The following SLIT2 variants were observed in gnomAD, a reference collection of about 807,000 sequenced individuals.
SLIT2 encodes the protein slit guidance ligand 2.
Under a neutral mutation model 185.7 loss-of-function variants are expected in SLIT2, and 41 were observed. The ratio of observed to expected loss-of-function variants is 0.22; its 90% confidence interval spans 0.17 to 0.29. The LOEUF is 0.29. Among genes scored for constraint, SLIT2 ranks in the 10% least tolerant of loss-of-function variants. The pLI is 1.00. For missense variants in SLIT2, 1,571 were observed against 1,909.0 expected (o/e 0.82, Z 3.30); for synonymous variants, 693 against 680.2 (o/e 1.02, Z -0.29).
At chr4:20,456,970 T>C (rs1279845170) in intron 4 of SLIT2, among the ~76,000 whole-genome samples, 1 of 152,110 alleles carries the variant, frequency 6.6e-6, no homozygotes, top group Non-Finnish European at 1.5e-5. Context: ...AAAATATCTC[T>C]ACCCTATCTT....
intron 4 of SLIT2, among the ~76,000 whole-genome samples, chr4:20,371,251 A>C (rs1270583343): frequency 6.6e-6 from 1 of 151,982 alleles, no homozygotes; most frequent in African/African-American, 2.4e-5. Context: ...GTTCTCACAC[A>C]GTCACTCATA....
intron 4 of SLIT2, among the ~76,000 whole-genome samples, chr4:20,452,948 T>C (rs2148716611): frequency 6.6e-6 from 1 of 152,298 alleles, no homozygotes; most frequent in East Asian, 1.9e-4. Context: ...AACCAGAAGT[T>C]GCCTTTCAGC....
chr4:20,547,809 G>C (rs948718906), intron 22 of SLIT2, among the ~76,000 whole-genome samples: 1 of 151,650 alleles, frequency 6.6e-6, no homozygotes, highest in Non-Finnish European at 1.5e-5. Flanking sequence ...ACGACCCATA[G>C]TACAAACTAT....
chr4:20,321,084 G>C (rs780535619), intron 4 of SLIT2, among the ~76,000 whole-genome samples: 1 of 152,064 alleles, frequency 6.6e-6, no homozygotes, highest in East Asian at 1.9e-4. Context: ...ACTAGATTGC[G>C]CCACTGCACT....
chr4:20,611,381 A>G (rs1729210867), intron 34 of SLIT2, among the ~76,000 whole-genome samples: 1 of 152,200 alleles, frequency 6.6e-6, no homozygotes, highest in African/African-American at 2.4e-5. Flanking sequence ...GTAAATATTT[A>G]TTGAGTACTT....
chr4:20,584,829 A>G (rs921019806), intron 29 of SLIT2, among the ~76,000 whole-genome samples: 24 of 152,104 alleles, frequency 1.6e-4, no homozygotes, highest in African/African-American at 5.6e-4. Flanking sequence ...CCAAGGTGGG[A>G]GGATCAGTTG....
chr4:20,610,701 CTGAA>C (rs761840334), intron 34 of SLIT2, among the ~76,000 whole-genome samples: 4 of 151,992 alleles, frequency 2.6e-5, no homozygotes, highest in Non-Finnish European at 4.4e-5. Context: ...CAATGACTGA[CTGAA>C]TGAATGAATG....
intron 4 of SLIT2, among the ~76,000 whole-genome samples, chr4:20,361,582 C>T (rs969375490): frequency 1.3e-5 from 2 of 152,000 alleles, no homozygotes; most frequent in Non-Finnish European, 2.9e-5. Context: ...AATGGCAAAA[C>T]CACAATTACT....
At chr4:20,412,192 A>G (rs560238743) in intron 4 of SLIT2, among the ~76,000 whole-genome samples, 1 of 151,106 alleles carries the variant, frequency 6.6e-6, no homozygotes, top group African/African-American at 2.4e-5. Context: ...GGTCATTTTC[A>G]GCTTGGTTAA....
At chr4:20,298,899 G>C (rs376062973) in intron 4 of SLIT2, among the ~76,000 whole-genome samples, 68 of 152,246 alleles carry the variant, frequency 4.5e-4, no homozygotes, top group African/African-American at 1.6e-3. Flanking sequence ...ATATCAGAGA[G>C]GTTGATAGTA....
chr4:20,519,544 T>A (rs1720630254), intron 12 of SLIT2, 91 bp downstream of exon 12: 1 of 749,620 alleles, frequency 1.3e-6, no homozygotes, highest in African/African-American at 1.8e-5. Flanking sequence ...CTTGGAAAAA[T>A]TTGACTCAAA....
rs1713295768 is a variant in SLIT2 at position 20,268,741 on chromosome 4, TA to T, written c.324-68del. 5.2e-5 allele frequency: 50 copies of T among 967,834 alleles called. No homozygotes were observed. The South Asian group carries it at 6.2e-4, about 12-fold the overall frequency. The allele number at this position is 967,834 out of a possible 1,614,324, so 60.0% of individuals were successfully genotyped here. A position where few individuals can be genotyped will look rare whatever the true frequency, so the allele number is the denominator to read the frequency against. On this transcript the variant is annotated intron_variant, in intron 3 of 36. Coordinates refer to ENST00000504154, the MANE Select transcript of SLIT2 (RefSeq NM_004787.4). ...TGAAATACAGGATGAGGCATGACACTACCAAATCACAGTCTCATTGTTGGGT... is the reference window on the plus strand; with the variant it reads ...TGAAATACAGGATGAGGCATGACACTCCAAATCACAGTCTCATTGTTGGGT...
chr4:20,562,361 C>A (rs1465127863), intron 26 of SLIT2, among the ~76,000 whole-genome samples: 1 of 151,768 alleles, frequency 6.6e-6, no homozygotes, highest in East Asian at 1.9e-4. Context: ...CTATCAAATT[C>A]TCAGTAGATT....
intron 11 of SLIT2, among the ~76,000 whole-genome samples, chr4:20,511,753 G>T (rs527850910): frequency 5.3e-5 from 8 of 151,450 alleles, no homozygotes; most frequent in African/African-American, 1.9e-4. Context: ...AAAAGAAAAA[G>T]AAAATATTTA....
At chr4:20,460,558 T>C (rs1713589825) in intron 4 of SLIT2, among the ~76,000 whole-genome samples, 1 of 152,200 alleles carries the variant, frequency 6.6e-6, no homozygotes, top group Non-Finnish European at 1.5e-5. Flanking sequence ...TGCTGTACAA[T>C]AGATCTCTGG....
intron 4 of SLIT2, among the ~76,000 whole-genome samples, chr4:20,296,109 A>G (rs898443017): frequency 2.6e-5 from 4 of 152,224 alleles, no homozygotes; most frequent in African/African-American, 9.6e-5. Context: ...AAGCTAGACA[A>G]ATTAATTTCT....
chr4:20,471,489 T>C (rs1381197117), intron 5 of SLIT2, among the ~76,000 whole-genome samples: 2 of 152,138 alleles, frequency 1.3e-5, no homozygotes, highest in African/African-American at 4.8e-5. Context: ...CATTTACAAG[T>C]TGAAAAACCC....
intron 4 of SLIT2, among the ~76,000 whole-genome samples, chr4:20,396,119 T>C (rs1471298325): frequency 1.3e-5 from 2 of 151,842 alleles, no homozygotes; most frequent in Non-Finnish European, 2.9e-5. Flanking sequence ...AAAAACAAAA[T>C]TGGATAATGG....
intron 4 of SLIT2, among the ~76,000 whole-genome samples, chr4:20,333,710 G>A (rs1022474255): frequency 2.6e-5 from 4 of 152,098 alleles, no homozygotes; most frequent in Non-Finnish European, 2.9e-5. Context: ...TCACTATTTG[G>A]TTCAAGCTTT....
Sources: allele counts gnomAD v4.1 joint callset (sites outside exome capture counted in the v4.1 genomes callset), GRCh38; gene constraint gnomAD v4.1.1; transcripts MANE v1.5; gene names NCBI Gene and HGNC (gene_info 2026-07-23, HGNC 2026-07-21).